CFAP46: variants seen among roughly 807,000 people sequenced by gnomAD.
The protein encoded by CFAP46 is cilia- and flagella-associated protein 46.
CFAP46 carries 245 observed loss-of-function variants against 325.7 expected under a neutral mutation model. That is an observed-to-expected ratio of 0.75 (90% CI 0.68 to 0.84). The LOEUF (loss-of-function observed/expected upper bound fraction) is 0.84, where lower values mean the gene tolerates loss of function less well. CFAP46 is among the 40% of genes least tolerant of loss of function. The pLI, the probability that CFAP46 is intolerant of heterozygous loss-of-function variation, is 0.00. For synonymous variants in CFAP46, 1,523 were observed against 1,495.9 expected, an observed-to-expected ratio of 1.02 and a Z score of -0.42; for missense variants, 3,346 against 3,543.0, an observed-to-expected ratio of 0.94 and a Z score of 1.41.
At chr10:132,904,359 T>TGGAAAGGC in intron 22 of CFAP46, among the ~76,000 whole-genome samples, 1 of 151,396 alleles carries the variant, frequency 6.6e-6, no homozygotes, top group Non-Finnish European at 1.5e-5. Context: ...CTGCGGTTGG[T>TGGAAAGGC]GGAAAGGCGC....
chr10:132,935,163 C>G (rs1179058230), intron 7 of CFAP46, among the ~76,000 whole-genome samples: 1 of 152,122 alleles, frequency 6.6e-6, no homozygotes, highest in Non-Finnish European at 1.5e-5. Flanking sequence ...GGCACTCTCT[C>G]TGCTCAACGG....
chr10:132,817,158 G>A lies in CFAP46; in HGVS notation c.7118-2244C>T, dbSNP rs1288241680. ...CACCCCGCGGTTTTTGCTTTTTATT[G>A]CTTTTTGTATTTAGAGGCTATTTCA... On this transcript the variant is annotated intron_variant, in intron 50 of 57. Transcript: ENST00000368586. This position sits in a 1 kb window ranked among gnomAD's most constrained non-coding sequence, Gnocchi z 4.4. Among the ~76,000 whole-genome samples, 1 of 152,062 alleles carries A rather than the reference G, an allele frequency of 6.6e-6. No individual in the cohort carries two copies. The highest frequency in any genetic ancestry group is 1.5e-5 in the Non-Finnish European group (1 of 67,998).
At position 132,880,914 on chromosome 10, in the gene CFAP46, AGGATCTCGACAGCCCAGC is replaced by A. The variant is rs1340216700; in HGVS notation, c.3728_3745del (p.Arg1243_Ile1248del). Reference sequence around the variant, plus strand: ...ATCGCCGGGCGGCTTCATGGCCAGCAGGATCTCGACAGCCCAGCGGAGGTGGAAGACCACGTCCTCGAG... The same window carrying A: ...ATCGCCGGGCGGCTTCATGGCCAGCAGGAGGTGGAAGACCACGTCCTCGAG... On this transcript the variant is annotated inframe_deletion, in exon 28 of 58. Transcript: ENST00000368586. The A allele has an allele frequency of 2.3e-5, 36 of 1,550,308 alleles. No homozygotes were observed. The highest frequency in any genetic ancestry group is 3.1e-5 in the Non-Finnish European group (36 of 1,146,988).
Position 132,919,163 on chromosome 10 carries a change from A to G in CFAP46, c.1858+152T>C, listed in dbSNP as rs1849681802. On this transcript the variant is annotated intron_variant, in intron 15 of 57. Coordinates refer to ENST00000368586, the MANE Select transcript of CFAP46 (RefSeq NM_001200049.3). The surrounding 1 kb of genome is among the most constrained non-coding windows in gnomAD (Gnocchi z 9.7). ...CGCCGCCCCATGATTGGCGGTCCTG[A>G]TAATTAGTGGGAACTGCTACCATTG... Among the ~76,000 whole-genome samples the G allele has an allele frequency of 6.6e-6, 1 of 152,148 alleles. No homozygotes were observed. The highest frequency in any genetic ancestry group is 1.5e-5 in the Non-Finnish European group (1 of 68,006).
chr10:132,894,341 C>T (rs1053489636), intron 24 of CFAP46, among the ~76,000 whole-genome samples: 3 of 152,076 alleles, frequency 2.0e-5, no homozygotes, highest in African/African-American at 7.2e-5. Context: ...ATAAAACTTA[C>T]GGGAGGCAGT....
At chr10:132,902,662 T>C (rs893345026) in intron 22 of CFAP46, among the ~76,000 whole-genome samples, 3 of 152,250 alleles carry the variant, frequency 2.0e-5, no homozygotes, top group African/African-American at 7.2e-5. Flanking sequence ...TTCCTGGTTA[T>C]GAGCCACATT....
At chr10:132,927,391 G>T (rs529781739) in intron 9 of CFAP46, among the ~76,000 whole-genome samples, 1 of 151,578 alleles carries the variant, frequency 6.6e-6, no homozygotes, top group African/African-American at 2.4e-5. Flanking sequence ...GCAGGTCCTC[G>T]GCGGCAGACG....
intron 13 of CFAP46, among the ~76,000 whole-genome samples, chr10:132,921,381 C>T (rs1849720200): frequency 6.6e-6 from 1 of 152,194 alleles, no homozygotes; most frequent in African/African-American, 2.4e-5. Context: ...CAGAGAAGCT[C>T]GGGCAGTGAG....
At chr10:132,925,666 T>C (rs1849799135) in intron 10 of CFAP46, among the ~76,000 whole-genome samples, 1 of 152,146 alleles carries the variant, frequency 6.6e-6, no homozygotes, top group African/African-American at 2.4e-5. Flanking sequence ...ACAGCAGCAG[T>C]CAAAAACCTC....
In CFAP46 at chr10:132,877,794, G is replaced by A. The variant is rs1330406620; in HGVS notation, c.4212+87C>T. Reference sequence around the variant, plus strand: ...GGCCTCTGCACTGAGGCCGCCTGGGGCTCCTCCGAGAACCCTGACAGGCAG... The same window carrying A: ...GGCCTCTGCACTGAGGCCGCCTGGGACTCCTCCGAGAACCCTGACAGGCAG... On this transcript the variant is annotated intron_variant, in intron 30 of 57. Coordinates refer to ENST00000368586, the MANE Select transcript of CFAP46 (RefSeq NM_001200049.3). The surrounding 1 kb of genome is among the most constrained non-coding windows in gnomAD (Gnocchi z 5.7). 4.2e-6 allele frequency: 6 copies of A among 1,422,710 alleles called. No individual in the cohort carries two copies. Among genetic ancestry groups the A allele is most frequent in the Middle Eastern group, 2.5e-4 (1 of 4,036 alleles). 88.1% of individuals were successfully genotyped at this position (1,422,710 alleles called of 1,614,324 possible). A position where few individuals can be genotyped will look rare whatever the true frequency, so the allele number is the denominator to read the frequency against.
chr10:132,892,928 T>C (rs1849274232), intron 24 of CFAP46, among the ~76,000 whole-genome samples: 1 of 152,238 alleles, frequency 6.6e-6, no homozygotes, highest in Admixed American at 6.5e-5. Flanking sequence ...CAGGCAACCA[T>C]CAGGTGATGG....
In CFAP46 at chr10:132,817,437, T is replaced by C. The variant is rs1241836509; in HGVS notation, c.7118-2523A>G. Among the ~76,000 whole-genome samples the C allele has an allele frequency of 6.6e-6, 1 of 152,242 alleles. No homozygotes were observed. Among genetic ancestry groups the C allele is most frequent in the African/African-American group, 2.4e-5 (1 of 41,456 alleles). On this transcript the variant is annotated intron_variant, in intron 50 of 57. Coordinates refer to ENST00000368586, the MANE Select transcript of CFAP46 (RefSeq NM_001200049.3). This position sits in a 1 kb window ranked among gnomAD's most constrained non-coding sequence, Gnocchi z 4.4. Reference sequence around the variant, plus strand: ...GCAGGGTTGGCCAATTTTCTTTTTTTGATATATGACATAAATGGGCCAACT... The same window carrying C: ...GCAGGGTTGGCCAATTTTCTTTTTTCGATATATGACATAAATGGGCCAACT...
At position 132,919,568 on chromosome 10, in the gene CFAP46, A is replaced by G; in HGVS notation, c.1731-126T>C. 2 of 1,282,056 alleles carry G rather than the reference A, an allele frequency of 1.6e-6. No individual in the cohort carries two copies. The highest frequency in any genetic ancestry group is 1.5e-5 in the African/African-American group (1 of 66,646). The allele number at this position is 1,282,056 out of a possible 1,614,324, so 79.4% of individuals were successfully genotyped here. A position where few individuals can be genotyped will look rare whatever the true frequency, so the allele number is the denominator to read the frequency against. On this transcript the variant is annotated intron_variant, in intron 14 of 57. Coordinates refer to ENST00000368586, the MANE Select transcript of CFAP46 (RefSeq NM_001200049.3). This position sits in a 1 kb window ranked among gnomAD's most constrained non-coding sequence, Gnocchi z 9.7. Reference sequence around the variant, plus strand: ...GCTCTGCAGTTTCAAGGTGGCAAGGAGCCCGGCACTCGCGCTGGGTACGGC... The same window carrying G: ...GCTCTGCAGTTTCAAGGTGGCAAGGGGCCCGGCACTCGCGCTGGGTACGGC...
Position 132,822,274 on chromosome 10 carries a change from GT to G in CFAP46, c.7118-7361del, listed in dbSNP as rs1565036104. Among the ~76,000 whole-genome samples the G allele has an allele frequency of 3.8e-3, 466 of 122,102 alleles. 14 individuals carry two copies. Among genetic ancestry groups the G allele is most frequent in the Non-Finnish European group, 6.1e-3 (345 of 56,334 alleles). 80.1% of individuals were successfully genotyped at this position (122,102 alleles called of 152,430 possible). On this transcript the variant is annotated intron_variant, in intron 50 of 57. Transcript: ENST00000368586. ...CGCTGATGTGTGCTGTGTGTGTGCTGTGTGAGTGCTGGTGTGCTGATGTGTG... is the reference window on the plus strand; with the variant it reads ...CGCTGATGTGTGCTGTGTGTGTGCTGGTGAGTGCTGGTGTGCTGATGTGTG...
intron 17 of CFAP46, among the ~76,000 whole-genome samples, chr10:132,915,285 G>A (rs1240743090): frequency 2.0e-5 from 3 of 152,380 alleles, no homozygotes; most frequent in African/African-American, 7.2e-5. Context: ...GTCCTGGAAA[G>A]GCATCTGGAG....
In CFAP46 at chr10:132,808,539, C is replaced by G. The variant is rs768136333; in HGVS notation, c.8030G>C (p.Arg2677Pro). 3.7e-5 allele frequency: 59 copies of G among 1,612,906 alleles called. No homozygotes were observed. The highest frequency in any genetic ancestry group is 8.0e-5 in the African/African-American group (6 of 74,938). The change falls in exon 58 of 58, where the codon CGG (arginine) becomes CCG (proline). Residue 2677 changes from arginine (R) to proline (P), a missense_variant. By Grantham distance (103) the Arg-to-Pro change is moderately radical. Coordinates refer to ENST00000368586, the MANE Select transcript of CFAP46 (RefSeq NM_001200049.3). The surrounding 1 kb of genome is among the most constrained non-coding windows in gnomAD (Gnocchi z 6.8). The stretch of plus-strand genomic sequence containing the variant: ...CCGGGAAGAGACGCAGCTCCAGCCC[C>G]GACGCAGACCCCATGGCGCACACAG... ...ACLCAPWGLR[R>P]GWSCVSSRGQ...
chr10:132,810,516 G>A (rs749499184), intron 56 of CFAP46, 27 bp from the exon 57 acceptor site: 1 of 1,603,412 alleles, frequency 6.2e-7, no homozygotes, highest in East Asian at 2.2e-5. Flanking sequence ...CCCTCAGGAG[G>A]GCATGGACAC....
At chr10:132,918,633 G>C in intron 15 of CFAP46, 113 bp from the exon 16 acceptor site, 1 of 1,333,838 alleles carries the variant, frequency 7.5e-7, no homozygotes, top group Non-Finnish European at 9.8e-7. Context: ...CTCCGTGTAG[G>C]GTCCGCCAAG....
chr10:132,902,936 C>T (rs1849410494), intron 22 of CFAP46, among the ~76,000 whole-genome samples: 2 of 150,846 alleles, frequency 1.3e-5, no homozygotes, highest in South Asian at 4.3e-4. Context: ...TGTGAGCTGG[C>T]CACAGCTCCA....
Sources: gnomAD v4.1 joint callset for allele counts (sites outside exome capture counted in the v4.1 genomes callset) on GRCh38, gnomAD v4.1.1 for gene constraint, Gnocchi (gnomAD v3.1) non-coding constraint, MANE v1.5 for transcripts, NCBI Gene and HGNC (gene_info 2026-07-23, HGNC 2026-07-21) for gene names.